HPD: variants seen among roughly 807,000 people sequenced by gnomAD.
HPD encodes the protein 4-hydroxyphenylpyruvic acid oxidase.
HPD carries 35 observed loss-of-function variants against 56.9 expected under a neutral mutation model. The ratio of observed to expected loss-of-function variants is 0.62; its 90% CI spans 0.47 to 0.82. The LOEUF (loss-of-function observed/expected upper bound fraction) is 0.82, where lower values mean the gene tolerates loss of function less well. HPD is among the 40% of genes least tolerant of loss of function. The pLI, the probability that HPD is intolerant of heterozygous loss-of-function variation, is 0.00. For missense variants in HPD, 442 were observed against 506.8 expected, an observed-to-expected ratio of 0.87 and a Z score of 1.23; for synonymous variants, 186 against 200.2, an observed-to-expected ratio of 0.93 and a Z score of 0.60.
chr12:121,846,879 C>T lies in HPD; in HGVS notation c.814G>A (p.Glu272Lys), dbSNP rs529795459. The change falls in exon 11 of 14, where the codon GAA becomes AAA. Residue 272 changes from glutamate (E) to lysine (K), a missense_variant. By Grantham distance (56) the Glu-to-Lys change is moderately conservative. Transcript: ENST00000289004. Reference sequence around the variant, plus strand: ...GTTCTAACCGCTGTGATGATGTCTTCGGTCTTGAGAGCGATGTGCTGGACC... The same window carrying T: ...GTTCTAACCGCTGTGATGATGTCTTTGGTCTTGAGAGCGATGTGCTGGACC... ...AGVQHIALKT[E>K]DIITAIRHLR... 9.3e-6 allele frequency: 15 copies of T among 1,614,096 alleles called. No individual in the cohort carries two copies. The highest frequency in any genetic ancestry group is 8.9e-5 in the East Asian group (4 of 44,882).
chr12:121,861,731 A>G (rs1878178740), upstream of HPD, among the ~76,000 whole-genome samples: 1 of 152,148 alleles, frequency 6.6e-6, no homozygotes, highest in Non-Finnish European at 1.5e-5. Flanking sequence ...TTTCTAGCTG[A>G]TAGGGATCTT....
chr12:121,862,295 TTTC>T (rs1212796504), upstream of HPD, among the ~76,000 whole-genome samples: 4 of 150,808 alleles, frequency 2.7e-5, no homozygotes, highest in African/African-American at 9.9e-5. Context: ...CAGCTCTGCA[TTTC>T]TTTTTTTTTT....
chr12:121,856,417 C>T lies in HPD; in HGVS notation c.242-11G>A. The T allele has an allele frequency of 1.9e-6, 3 of 1,613,600 alleles. No individual in the cohort carries two copies. Among genetic ancestry groups the T allele is most frequent in the Non-Finnish European group, 2.5e-6 (3 of 1,179,534 alleles). On this transcript the variant is annotated splice_polypyrimidine_tract_variant and intron_variant, in intron 5 of 13. Transcript: ENST00000289004. ...GGTGATCGCCCATCTCTGTGGCCGG[C>T]AGGGAGAGGATGGCACTGGAGTCTG...
intron 11 of HPD, among the ~76,000 whole-genome samples, chr12:121,845,709 C>T (rs1877562243): frequency 6.6e-6 from 1 of 152,046 alleles, no homozygotes; most frequent in African/African-American, 2.4e-5. Context: ...GTGTCTGACC[C>T]CCCAATTTAA....
chr12:121,861,013 A>G (rs965184551), upstream of HPD, among the ~76,000 whole-genome samples: 2 of 152,150 alleles, frequency 1.3e-5, no homozygotes, highest in African/African-American at 4.8e-5. Flanking sequence ...CAGCCTGGCC[A>G]ACATGGTGAA....
At chr12:121,869,399 G>A in the HPD span, among the ~76,000 whole-genome samples, 1 of 149,252 alleles carries the variant, frequency 6.7e-6, no homozygotes, top group Non-Finnish European at 1.5e-5. Context: ...GTCTCACTAT[G>A]TTGCCCAGGC....
the HPD span, among the ~76,000 whole-genome samples, chr12:121,878,348 T>G: frequency 2.0e-5 from 3 of 152,212 alleles, no homozygotes; most frequent in African/African-American, 7.2e-5. Flanking sequence ...TGTGGTTTTT[T>G]GTTTGTTTTG....
At position 121,843,831 on chromosome 12, in the gene HPD, ATCTGTT is replaced by A; in HGVS notation, c.832-5_832del. On this transcript the variant is annotated splice_acceptor_variant and splice_polypyrimidine_tract_variant and coding_sequence_variant and intron_variant, in exon 12 of 14. Transcript: ENST00000289004. LOFTEE classifies it high-confidence loss of function. ...CAGGCCTCTCTCTCTCAAGTGGCGAATCTGTTTCAGAGCAAAGCTGAGGTCAGCCTT... is the reference window on the plus strand; with the variant it reads ...CAGGCCTCTCTCTCTCAAGTGGCGAATCAGAGCAAAGCTGAGGTCAGCCTT... The A allele has an allele frequency of 6.2e-7, 1 of 1,614,068 alleles. No homozygotes were observed. The highest frequency in any genetic ancestry group is 1.7e-4 in the Middle Eastern group (1 of 6,060).
intron 11 of HPD, among the ~76,000 whole-genome samples, chr12:121,845,783 C>G (rs895109791): frequency 6.6e-6 from 1 of 152,108 alleles, no homozygotes; most frequent in Non-Finnish European, 1.5e-5. Flanking sequence ...TGGGTGCTCT[C>G]TACCATCTAG....
At chr12:121,869,078 G>C in the HPD span, among the ~76,000 whole-genome samples, 1 of 152,056 alleles carries the variant, frequency 6.6e-6, no homozygotes, top group Non-Finnish European at 1.5e-5. Flanking sequence ...TTTTGGCTGG[G>C]TGTGGTGGCT....
chr12:121,867,482 C>T (rs539311446), upstream of HPD, among the ~76,000 whole-genome samples: 1 of 151,664 alleles, frequency 6.6e-6, no homozygotes, highest in South Asian at 2.1e-4. Flanking sequence ...GGCTGGAATG[C>T]AGTGGGACTA....
the HPD span, among the ~76,000 whole-genome samples, chr12:121,875,863 A>G: frequency 6.6e-6 from 1 of 152,138 alleles, no homozygotes; most frequent in Non-Finnish European, 1.5e-5. Context: ...GCTCACATCT[A>G]TATTCCCACC....
intron 9 of HPD, 139 bp from the exon 10 acceptor site, chr12:121,847,353 T>C (rs1457101412): frequency 3.9e-6 from 3 of 771,852 alleles, no homozygotes; most frequent in Non-Finnish European, 6.7e-6. Context: ...ATCAGAGATT[T>C]AGATCTTTTT....
chr12:121,883,065 G>A, the HPD span, among the ~76,000 whole-genome samples: 44 of 152,170 alleles, frequency 2.9e-4, no homozygotes, highest in Non-Finnish European at 5.7e-4. Flanking sequence ...AAGTCAGCCT[G>A]GCCTGAGATG....
the HPD span, among the ~76,000 whole-genome samples, chr12:121,882,380 T>C: frequency 6.6e-6 from 1 of 152,074 alleles, no homozygotes; most frequent in Non-Finnish European, 1.5e-5. Context: ...GAAATGAAGA[T>C]GAGCAAGATG....
Position 121,840,047 on chromosome 12 carries a change from T to C in HPD, c.956A>G (p.Glu319Gly). ...KVKENIDALE[E>G]LKILVDYDEK... is the part of the protein sequence containing the mutation. Reference sequence around the variant, plus strand: ...GTCGTAGTCCACCAGGATTTTCAGCTCCTAGGCGGGAGACAGGGGGCTCTG... The same window carrying C: ...GTCGTAGTCCACCAGGATTTTCAGCCCCTAGGCGGGAGACAGGGGGCTCTG... The change falls in exon 13 of 14, where the codon GAG becomes GGG. Residue 319 changes from glutamate to glycine, a missense_variant and splice_region_variant. Physicochemically the swap from Glu to Gly is moderately conservative, Grantham distance 98. Transcript: ENST00000289004. The C allele has an allele frequency of 6.2e-7, 1 of 1,607,630 alleles. No individual in the cohort carries two copies. Among genetic ancestry groups the C allele is most frequent in the Non-Finnish European group, 8.5e-7 (1 of 1,174,210 alleles).
At chr12:121,853,931 T>C (rs1877900021) in intron 7 of HPD, among the ~76,000 whole-genome samples, 1 of 126,776 alleles carries the variant, frequency 7.9e-6, no homozygotes, top group African/African-American at 3.0e-5. Context: ...AGAGACTCCG[T>C]CTGAAAAAAG....
intron 12 of HPD, 31 bp downstream of exon 12, chr12:121,843,679 C>CA (rs1877479016): frequency 3.1e-6 from 5 of 1,613,600 alleles, no homozygotes; most frequent in Non-Finnish European, 4.2e-6. Context: ...ATACTCCCCC[C>CA]ACAAGGCTGC....
rs776490022 is a variant in HPD, at chr12:121,849,746, G to A, written c.459C>T (p.Ile153=). The part of the protein sequence containing the change: ...THTLVEKMNY[I]GQFLPGYEAP... ...CCTCATATCCAGGCAAGAATTGGCC[G>A]ATGTAGTTCATCTTCTCCACCAGGG... The change falls in exon 8 of 14, where the codon ATC becomes ATT. Residue 153 remains isoleucine (I), a synonymous_variant. Transcript: ENST00000289004. 90 of 1,613,784 alleles carry A rather than the reference G, an allele frequency of 5.6e-5. No homozygotes were observed. The highest frequency in any genetic ancestry group is 1.5e-4 in the Admixed American group (9 of 59,982).
Sources: gnomAD v4.1 joint callset for allele counts (sites outside exome capture counted in the v4.1 genomes callset) on GRCh38, gnomAD v4.1.1 for gene constraint, MANE v1.5 for transcripts, NCBI Gene and HGNC (gene_info 2026-07-23, HGNC 2026-07-21) for gene names.